Variants in DNAH1 observed in about 807,000 individuals in gnomAD.
The protein encoded by DNAH1 is axonemal beta dynein heavy chain 1.
DNAH1 carries 327 observed loss-of-function variants against 484.3 expected under a neutral mutation model. That is an observed-to-expected ratio of 0.68 (90% CI 0.62 to 0.74). DNAH1 has a LOEUF of 0.74. Among genes scored for constraint, DNAH1 ranks in the 30% least tolerant of loss-of-function variants. The pLI, the probability that DNAH1 is intolerant of heterozygous loss-of-function variation, is 0.00. For missense variants in DNAH1, 5,052 were observed against 5,546.8 expected (o/e 0.91, Z 2.83); for synonymous variants, 2,192 against 2,191.9 (o/e 1.00, Z 0.00).
intron 8 of DNAH1, among the ~76,000 whole-genome samples, chr3:52,336,084 T>C (rs1269453464): frequency 6.6e-6 from 1 of 152,250 alleles, no homozygotes; most frequent in African/African-American, 2.4e-5. Context: ...ACTCTGTTGA[T>C]ACTTTCTTTT....
chr3:52,323,383 C>A lies in DNAH1; in HGVS notation c.334-425C>A, dbSNP rs571900606. On this transcript the variant is annotated intron_variant, in intron 2 of 77. Transcript: ENST00000420323. ...AATTCAGAGTCCTGTAGGTCCCAGG[C>A]AGCCTTAGGCTTTAGGCCAGGGAGG... Among the ~76,000 whole-genome samples the A allele has an allele frequency of 1.5e-4, 23 of 152,290 alleles. No individual in the cohort carries two copies. The South Asian group carries it at 4.8e-3, about 32-fold the overall frequency.
chr3:52,380,662 G>T (rs991281230), intron 48 of DNAH1, among the ~76,000 whole-genome samples: 2 of 152,218 alleles, frequency 1.3e-5, no homozygotes, highest in Admixed American at 1.3e-4. Context: ...TCGTGCAGGG[G>T]GGCCTGGCTT....
At chr3:52,338,609 T>C (rs1357028135) in intron 8 of DNAH1, among the ~76,000 whole-genome samples, 3 of 152,228 alleles carry the variant, frequency 2.0e-5, no homozygotes, top group Non-Finnish European at 4.4e-5. Context: ...CCTTGAGTTC[T>C]CACACGTTTA....
Position 52,391,461 on chromosome 3 carries a change from A to C in DNAH1, c.9910A>C (p.Asn3304His). 1 of 1,611,760 alleles carries C rather than the reference A, an allele frequency of 6.2e-7. No individual in the cohort carries two copies. The highest frequency in any genetic ancestry group is 8.5e-7 in the Non-Finnish European group (1 of 1,178,892). ...LLKQTYKQQG[N>H]TVLKLGDTVI... Reference sequence around the variant, plus strand: ...ACCACAGACGTACAAGCAGCAGGGAAACACGGTGCTGAAGCTGGGGGACAC... The same window carrying C: ...ACCACAGACGTACAAGCAGCAGGGACACACGGTGCTGAAGCTGGGGGACAC... Residue 3304 changes from asparagine (N) to histidine (H), a missense_variant, in exon 63 of 78, where the codon AAC becomes CAC. Coordinates refer to ENST00000420323, the MANE Select transcript of DNAH1 (RefSeq NM_015512.5).
chr3:52,387,904 T>C (rs564469087), intron 56 of DNAH1, among the ~76,000 whole-genome samples: 6 of 152,264 alleles, frequency 3.9e-5, no homozygotes, highest in Middle Eastern at 3.4e-3. Flanking sequence ...AAGTGGGGTC[T>C]TGTGTGTTAT....
At position 52,360,370 on chromosome 3, in the gene DNAH1, G is replaced by T. The variant is rs751685270; in HGVS notation, c.4631G>T (p.Gly1544Val). The T allele has an allele frequency of 6.2e-7, 1 of 1,613,982 alleles. No individual in the cohort carries two copies. Among genetic ancestry groups the T allele is most frequent in the Non-Finnish European group, 8.5e-7 (1 of 1,179,880 alleles). The change falls in exon 28 of 78, where the codon GGC becomes GTC. Residue 1544 changes from glycine to valine, a missense_variant. Gly to Val is a moderately radical substitution (Grantham distance 109). Around this residue, in one of 4 missense-constraint regions of DNAH1, gnomAD observed 2,929 missense variants for 3,409.4 expected, o/e 0.86. Coordinates refer to ENST00000420323, the MANE Select transcript of DNAH1 (RefSeq NM_015512.5). ...IRAVNAEFIY[G>V]YEYLGNSGRL... ...GCTGTGAATGCTGAGTTCATCTATG[G>T]CTATGAGTACCTGGGCAACAGTGGG...
At chr3:52,344,703 C>CT in intron 9 of DNAH1, 56 bp downstream of exon 9, 1 of 1,546,880 alleles carries the variant, frequency 6.5e-7, no homozygotes, top group Non-Finnish European at 8.7e-7. Context: ...CCAGAGCCCC[C>CT]TCCCACCTTC....
chr3:52,376,378 C>T (rs531153220), intron 46 of DNAH1, among the ~76,000 whole-genome samples: 86 of 152,354 alleles, frequency 5.6e-4, no homozygotes, highest in African/African-American at 1.9e-3. Flanking sequence ...ATCTGCCCGT[C>T]GTCGCGGCAA....
Position 52,351,958 on chromosome 3 carries a change from C to T in DNAH1, c.2730-4C>T. ...CTCCCAATCCCCACCCCCATCCCGG[C>T]CAGATGGATTGCCAGCAACTGGCCT... On this transcript the variant is annotated splice_polypyrimidine_tract_variant and splice_region_variant and intron_variant, in intron 16 of 77. Coordinates refer to ENST00000420323, the MANE Select transcript of DNAH1 (RefSeq NM_015512.5). 1 of 1,600,082 alleles carries T rather than the reference C, an allele frequency of 6.2e-7. No homozygotes were observed. Among genetic ancestry groups the T allele is most frequent in the East Asian group, 2.3e-5 (1 of 44,284 alleles).
At chr3:52,389,384 G>A in intron 59 of DNAH1, 77 bp from the exon 60 acceptor site, 1 of 1,588,374 alleles carries the variant, frequency 6.3e-7, no homozygotes, top group Non-Finnish European at 8.6e-7. Context: ...CAACTGCCAA[G>A]CACTGTGGCT....
At position 52,352,792 on chromosome 3, in the gene DNAH1, T is replaced by C. The variant is rs62257591; in HGVS notation, c.3027+85T>C. The stretch of plus-strand genomic sequence containing the variant: ...AGATGCAGCTGCCAGGAGGCAGGGC[T>C]CTGGCATTTGGGGGCAGGACCCAGC... On this transcript the variant is annotated intron_variant, in intron 18 of 77. Transcript: ENST00000420323. 187,666 of 1,497,540 alleles carry C rather than the reference T, an allele frequency of 0.13. 13,405 individuals carry two copies. The highest frequency in any genetic ancestry group is 0.17 in the Middle Eastern group (711 of 4,168). The allele number at this position is 1,497,540 out of a possible 1,614,324, so 92.8% of individuals were successfully genotyped here.
Position 52,388,656 on chromosome 3 carries a change from CAG to C in DNAH1, c.9363+48_9363+49del, listed in dbSNP as rs763242031. ...GGCCTGCAAGCGGGCCCGGCCCAGA[CAG>C]GGGCCAGAAAGGACCAGGGCGCCGG... On this transcript the variant is annotated intron_variant, in intron 58 of 77. Coordinates refer to ENST00000420323, the MANE Select transcript of DNAH1 (RefSeq NM_015512.5). 195 of 1,611,182 alleles carry C rather than the reference CAG, an allele frequency of 1.2e-4. 1 individual carries two copies. Among genetic ancestry groups the C allele is most frequent in the South Asian group, 7.3e-4 (66 of 90,958 alleles).
intron 51 of DNAH1, 31 bp from the exon 52 acceptor site, chr3:52,383,829 C>G (rs1430007889): frequency 6.4e-7 from 1 of 1,564,350 alleles, no homozygotes; most frequent in Non-Finnish European, 8.7e-7. Flanking sequence ...GTCAGTGTCT[C>G]TGGACCTCAT....
At chr3:52,390,213 C>T (rs568093928) in intron 60 of DNAH1, among the ~76,000 whole-genome samples, 33 of 152,294 alleles carry the variant, frequency 2.2e-4, no homozygotes, top group African/African-American at 7.7e-4. Context: ...CAGTGTAATC[C>T]CAGCACTTTG....
chr3:52,379,869 G>C lies in DNAH1; in HGVS notation c.7378-36G>C. 1 of 1,528,226 alleles carries C rather than the reference G, an allele frequency of 6.5e-7. No homozygotes were observed. The highest frequency in any genetic ancestry group is 8.9e-7 in the Non-Finnish European group (1 of 1,129,738). 94.7% of individuals were successfully genotyped at this position (1,528,226 alleles called of 1,614,324 possible). On this transcript the variant is annotated intron_variant, in intron 47 of 77. Transcript: ENST00000420323. The surrounding 1 kb of genome is among the most constrained non-coding windows in gnomAD (Gnocchi z 4.4). The stretch of plus-strand genomic sequence containing the variant: ...TTTGAGAGATAGCTGAGGGCTTGGG[G>C]GCCAAGGACAGGCACCGATGCTGGG...
At chr3:52,315,198 T>C (rs893933849), upstream of DNAH1, among the ~76,000 whole-genome samples, 2 of 152,136 alleles carry the variant, frequency 1.3e-5, no homozygotes, top group Non-Finnish European at 2.9e-5. Flanking sequence ...ACTCACTTTC[T>C]TGTGGCATAG....
Position 52,399,651 on chromosome 3 carries a change from T to C in DNAH1, c.12548T>C (p.Leu4183Pro). 1 of 1,614,018 alleles carries C rather than the reference T, an allele frequency of 6.2e-7. No homozygotes were observed. Residue 4183 changes from leucine (L) to proline (P), a missense_variant, in exon 77 of 78, where the codon CTG (leucine) becomes CCG (proline). Leu to Pro is a moderately conservative substitution (Grantham distance 98, BLOSUM62 -3). This residue lies in a region of DNAH1 where 853 missense variants were observed against 899.0 expected (regional missense o/e 0.95). Coordinates refer to ENST00000420323, the MANE Select transcript of DNAH1 (RefSeq NM_015512.5). ...CGCTGGGATCCAGAGGCCTTCCAGC[T>C]GGCTGAGTCTCAGCCCAAGGAGCTG... is the stretch of plus-strand genomic sequence containing the variant. ...GARWDPEAFQ[L>P]AESQPKELYT...
chr3:52,377,435 G>T (rs1202841722), intron 46 of DNAH1, among the ~76,000 whole-genome samples: 2 of 151,914 alleles, frequency 1.3e-5, no homozygotes, highest in Admixed American at 6.6e-5. Context: ...TGGTCTCCTG[G>T]CAGCTGCCTT....
rs768845491 is a variant in DNAH1, at chr3:52,332,182, G to A, written c.1074G>A (p.Arg358=). ...AGGTCTGTCAGTACTGGGTGCCACG[G>A]ATCCAGCTTCTCTTCTGCGCTGAGG... ...PLQVCQYWVP[R]IQLLFCAEDP... Residue 358 remains arginine (R), a synonymous_variant, in exon 8 of 78, where the codon CGG becomes CGA. Coordinates refer to ENST00000420323, the MANE Select transcript of DNAH1 (RefSeq NM_015512.5). 1 of 1,589,600 alleles carries A rather than the reference G, an allele frequency of 6.3e-7. No individual in the cohort carries two copies.
Sources: gnomAD v4.1 joint callset for allele counts (sites outside exome capture counted in the v4.1 genomes callset) on GRCh38, gnomAD v4.1.1 for gene constraint, gnomAD v4.1.1 regional missense constraint, Gnocchi (gnomAD v3.1) non-coding constraint, MANE v1.5 for transcripts, NCBI Gene and HGNC (gene_info 2026-07-23, HGNC 2026-07-21) for gene names.